Variants in LYPD6B observed in about 807,000 individuals in gnomAD.
LYPD6B encodes the protein LY6/PLAUR domain containing 6B.
A neutral mutation model predicts 22.8 loss-of-function variants in LYPD6B; 17 were observed. The ratio of observed to expected loss-of-function variants is 0.75; its 90% CI spans 0.51 to 1.12. LYPD6B has a LOEUF of 1.12. Among genes scored for constraint, LYPD6B ranks in the 50% most tolerant of loss-of-function variants. The pLI is 0.00. For missense variants in LYPD6B, 221 were observed against 258.3 expected, an observed-to-expected ratio of 0.86 and a Z score of 0.99; for synonymous variants, 106 against 91.6, an observed-to-expected ratio of 1.16 and a Z score of -0.90.
chr2:149,165,832 C>T lies in LYPD6B; in HGVS notation c.77+4997C>T, dbSNP rs556327447. Among the ~76,000 whole-genome samples, 4 of 152,286 alleles carry T rather than the reference C, an allele frequency of 2.6e-5. No homozygotes were observed. In the East Asian group the frequency reaches 7.7e-4, roughly 29 times the overall value. On this transcript the variant is annotated intron_variant, in intron 3 of 6. Coordinates refer to ENST00000409642, the MANE Select transcript of LYPD6B (RefSeq NM_177964.5). ...TCTTTCTGACTCCTAGCAGAGTTCTCTCTTGGACTGTGTGGTTTTTCTAGA... is the reference window on the plus strand; with the variant it reads ...TCTTTCTGACTCCTAGCAGAGTTCTTTCTTGGACTGTGTGGTTTTTCTAGA...
At chr2:149,045,607 G>C (rs2105262483) in intron 1 of LYPD6B, among the ~76,000 whole-genome samples, 1 of 152,038 alleles carries the variant, frequency 6.6e-6, no homozygotes, top group Middle Eastern at 3.4e-3. Flanking sequence ...TTTTCACTTA[G>C]TTTAAATATT....
intron 1 of LYPD6B, among the ~76,000 whole-genome samples, chr2:149,072,724 A>T (rs535821444): frequency 8.6e-5 from 13 of 151,514 alleles, no homozygotes; most frequent in African/African-American, 2.9e-4. Context: ...TTTAGTAGAG[A>T]TGGGGTTTCA....
chr2:149,165,005 G>A (rs1201913940), intron 3 of LYPD6B, among the ~76,000 whole-genome samples: 1 of 152,084 alleles, frequency 6.6e-6, no homozygotes, highest in Non-Finnish European at 1.5e-5. Flanking sequence ...TTGCCATTTG[G>A]GCTCAGCTGG....
intron 1 of LYPD6B, among the ~76,000 whole-genome samples, chr2:149,041,477 G>A (rs867355398): frequency 2.1e-4 from 32 of 152,232 alleles, no homozygotes; most frequent in African/African-American, 7.0e-4. Flanking sequence ...TGGCAAAGGA[G>A]AAGAGGGGCC....
intron 3 of LYPD6B, 118 bp from the exon 4 acceptor site, chr2:149,205,135 A>G: frequency 3.8e-6 from 4 of 1,058,076 alleles, no homozygotes; most frequent in Non-Finnish European, 4.1e-6. Context: ...TCCTGGCCCT[A>G]CACAACAGGT....
intron 3 of LYPD6B, among the ~76,000 whole-genome samples, chr2:149,161,232 G>A (rs186254653): frequency 4.8e-4 from 73 of 152,264 alleles, no homozygotes; most frequent in East Asian, 4.4e-3. Context: ...ATACATTGCC[G>A]AATACACTTA....
intron 1 of LYPD6B, among the ~76,000 whole-genome samples, chr2:149,043,550 G>T (rs995649957): frequency 3.3e-5 from 5 of 152,114 alleles, no homozygotes; most frequent in Admixed American, 6.5e-5. Context: ...TCTTGTGTCA[G>T]AAATGTAATT....
At chr2:149,190,644 A>G (rs979984024) in intron 3 of LYPD6B, among the ~76,000 whole-genome samples, 2 of 152,192 alleles carry the variant, frequency 1.3e-5, no homozygotes, top group African/African-American at 4.8e-5. Context: ...CATTTCTCCT[A>G]TTCAAAAGAT....
At chr2:149,170,416 A>ACTGTTCTCTGTGCTATATT (rs1690738682) in intron 3 of LYPD6B, among the ~76,000 whole-genome samples, 1 of 152,100 alleles carries the variant, frequency 6.6e-6, no homozygotes, top group Non-Finnish European at 1.5e-5. Context: ...CTATCACGTC[A>ACTGTTCTCTGTGCTATATT]CTGTTCTCTG....
chr2:149,181,020 T>C (rs1253996942), intron 3 of LYPD6B, among the ~76,000 whole-genome samples: 1 of 152,166 alleles, frequency 6.6e-6, no homozygotes, highest in African/African-American at 2.4e-5. Context: ...TGGAAGCCTT[T>C]ACCCAAATAA....
chr2:149,147,816 G>C (rs1368520519), intron 2 of LYPD6B, among the ~76,000 whole-genome samples: 3 of 152,010 alleles, frequency 2.0e-5, no homozygotes, highest in Non-Finnish European at 4.4e-5. Flanking sequence ...GCCCAGCCTT[G>C]TGTGATGCTT....
intron 1 of LYPD6B, among the ~76,000 whole-genome samples, chr2:149,067,743 A>G (rs1684406845): frequency 6.6e-6 from 1 of 152,120 alleles, no homozygotes; most frequent in Non-Finnish European, 1.5e-5. Context: ...GATTCCTGGT[A>G]TAATCATTAA....
chr2:149,163,670 G>A (rs1052189428), intron 3 of LYPD6B, among the ~76,000 whole-genome samples: 1 of 152,140 alleles, frequency 6.6e-6, no homozygotes, highest in African/African-American at 2.4e-5. Context: ...GGTTACAGGT[G>A]AGGGAACACT....
intron 1 of LYPD6B, among the ~76,000 whole-genome samples, chr2:149,043,704 A>G (rs1683187660): frequency 1.3e-5 from 2 of 152,142 alleles, no homozygotes. Flanking sequence ...GGAATTCTCT[A>G]ACTAACCAAA....
chr2:149,194,429 G>T (rs1467173781), intron 3 of LYPD6B, among the ~76,000 whole-genome samples: 2 of 152,200 alleles, frequency 1.3e-5, no homozygotes. Flanking sequence ...CATTATTTAA[G>T]AGAGTTAATA....
Position 149,214,600 on chromosome 2 carries a change from C to A in LYPD6B, c.514C>A (p.His172Asn). ...CTGCAATGTAGAATTACCCACCAATCACACTAATGCAGTGTTTGCCGTAAT... is the reference window on the plus strand; with the variant it reads ...CTGCAATGTAGAATTACCCACCAATAACACTAATGCAGTGTTTGCCGTAAT... ...MICNVELPTN[H>N]TNAVFAVMHA... is the part of the protein sequence containing the mutation. The change falls in exon 7 of 7, where the codon CAC becomes AAC. Residue 172 changes from histidine to asparagine, a missense_variant. Physicochemically the swap from His to Asn is moderately conservative, Grantham distance 68. Transcript: ENST00000409642. 3 of 1,613,850 alleles carry A rather than the reference C, an allele frequency of 1.9e-6. No individual in the cohort carries two copies. Among genetic ancestry groups the A allele is most frequent in the Non-Finnish European group, 2.5e-6 (3 of 1,179,812 alleles).
rs1201826609 is a variant in LYPD6B at position 149,129,985 on chromosome 2, G to A, written c.-66-898G>A. Among the ~76,000 whole-genome samples the A allele has an allele frequency of 3.9e-5, 6 of 152,188 alleles. No homozygotes were observed. In the South Asian group the frequency reaches 6.2e-4, roughly 16 times the overall value. ...ACTTCATCCCAGGTCCTCACCTTTC[G>A]TCCAGGAGCCTGGGTACTGCAGGCT... On this transcript the variant is annotated intron_variant, in intron 1 of 6. Coordinates refer to ENST00000409642, the MANE Select transcript of LYPD6B (RefSeq NM_177964.5).
chr2:149,136,326 T>G (rs1392352610), intron 2 of LYPD6B, among the ~76,000 whole-genome samples: 1 of 152,226 alleles, frequency 6.6e-6, no homozygotes, highest in Non-Finnish European at 1.5e-5. Context: ...TTATTTTCAA[T>G]ATTTCATAAG....
chr2:149,069,771 G>A (rs950077639), intron 1 of LYPD6B, among the ~76,000 whole-genome samples: 1 of 152,040 alleles, frequency 6.6e-6, no homozygotes, highest in Non-Finnish European at 1.5e-5. Context: ...CCATAGTGCT[G>A]AGCAGTGTCC....
Sources: gnomAD v4.1 joint callset for allele counts (sites outside exome capture counted in the v4.1 genomes callset) on GRCh38, gnomAD v4.1.1 for gene constraint, MANE v1.5 for transcripts, NCBI Gene and HGNC (gene_info 2026-07-23, HGNC 2026-07-21) for gene names.